OIP5: variants seen among roughly 807,000 people sequenced by gnomAD.
OIP5 encodes the protein Opa interacting protein 5, also known as protein Mis18-beta.
A neutral mutation model predicts 20.3 loss-of-function variants in OIP5; 24 were observed. That is an observed-to-expected ratio of 1.18 (90% CI 0.86 to 1.66). The LOEUF is 1.66. Ranked by LOEUF, OIP5 falls within the 40% of genes most tolerant of loss-of-function variation. The pLI, the probability that OIP5 is intolerant of heterozygous loss-of-function variation, is 0.00. For synonymous variants in OIP5, 143 were observed against 121.3 expected, an observed-to-expected ratio of 1.18 and a Z score of -1.17; for missense variants, 339 against 289.5, an observed-to-expected ratio of 1.17 and a Z score of -1.24.
At position 41,309,546 on chromosome 15, in the gene OIP5, G is replaced by A. The variant is rs2047740946; in HGVS notation, c.*208C>T. 1 of 417,494 alleles carries A rather than the reference G, an allele frequency of 2.4e-6. No homozygotes were observed. The highest frequency in any genetic ancestry group is 2.1e-5 in the African/African-American group (1 of 48,226). 25.9% of individuals were successfully genotyped at this position (417,494 alleles called of 1,614,324 possible). ...TAAGAATCTAAAGTAAGTTCTTAAG[G>A]CAAATAGCTATAAAAGAGAAGAATC... On this transcript the variant is annotated 3_prime_UTR_variant, in exon 5 of 5. Coordinates refer to ENST00000220514, the MANE Select transcript of OIP5 (RefSeq NM_007280.2).
chr15:41,311,138 C>A (rs1019179290), intron 4 of OIP5, among the ~76,000 whole-genome samples: 1 of 152,156 alleles, frequency 6.6e-6, no homozygotes, highest in African/African-American at 2.4e-5. Context: ...TAGGCCGAGG[C>A]GGGTGGGTCA....
At chr15:41,319,566 C>T in intron 3 of OIP5, 92 bp downstream of exon 3, 2 of 1,356,030 alleles carry the variant, frequency 1.5e-6, no homozygotes, top group Non-Finnish European at 2.0e-6. Context: ...CTTTGTCTTT[C>T]CTGAAAAACC....
chr15:41,325,034 G>A (rs8038185), intron 2 of OIP5, among the ~76,000 whole-genome samples: 2,283 of 152,238 alleles, frequency 0.015, 66 homozygotes, highest in African/African-American at 0.053. Context: ...GCGGTTTGTG[G>A]CATCCCACAA....
chr15:41,319,221 C>A (rs1327474076), intron 3 of OIP5, among the ~76,000 whole-genome samples: 1 of 151,494 alleles, frequency 6.6e-6, no homozygotes, highest in Non-Finnish European at 1.5e-5. Flanking sequence ...TACAGGTGTG[C>A]ACTAGCATGC....
At chr15:41,322,461 C>T (rs1033710353) in intron 2 of OIP5, among the ~76,000 whole-genome samples, 1 of 151,982 alleles carries the variant, frequency 6.6e-6, no homozygotes, top group Admixed American at 6.6e-5. Flanking sequence ...CGTAGTGATA[C>T]AATCATAGCT....
In OIP5 at chr15:41,309,347, G is replaced by A. The variant is rs1395173786; in HGVS notation, c.*407C>T. On this transcript the variant is annotated 3_prime_UTR_variant, in exon 5 of 5. Transcript: ENST00000220514. ...TATTTTACAGAAGTTAAAAAGTGAT[G>A]TATTAGTATTCATAACAACTGCTCC... 1 of 154,556 alleles carries A rather than the reference G, an allele frequency of 6.5e-6. No homozygotes were observed. The highest frequency in any genetic ancestry group is 1.9e-4 in the East Asian group (1 of 5,274). 9.6% of individuals were successfully genotyped at this position (154,556 alleles called of 1,614,324 possible).
At chr15:41,319,374 G>A (rs768330381) in intron 3 of OIP5, among the ~76,000 whole-genome samples, 1 of 151,956 alleles carries the variant, frequency 6.6e-6, no homozygotes, top group Admixed American at 6.6e-5. Flanking sequence ...TCGTGCCTCA[G>A]CCTCCTGAGT....
intron 4 of OIP5, among the ~76,000 whole-genome samples, chr15:41,312,347 G>C (rs551866293): frequency 8.6e-5 from 13 of 151,110 alleles, no homozygotes; most frequent in African/African-American, 3.2e-4. Flanking sequence ...TTTTAGTAGA[G>C]ACAGGGTTTC....
chr15:41,321,271 C>G (rs1364326504), intron 2 of OIP5, among the ~76,000 whole-genome samples: 1 of 149,986 alleles, frequency 6.7e-6, no homozygotes, highest in Non-Finnish European at 1.5e-5. Flanking sequence ...GCCCCCCGCC[C>G]GGCCAGCCGT....
intron 4 of OIP5, among the ~76,000 whole-genome samples, chr15:41,312,541 C>T (rs985735953): frequency 1.3e-5 from 2 of 152,030 alleles, no homozygotes; most frequent in Non-Finnish European, 2.9e-5. Flanking sequence ...CTCACTGCAA[C>T]CTCCACCACC....
At chr15:41,324,388 T>C (rs2047848856) in intron 2 of OIP5, among the ~76,000 whole-genome samples, 1 of 152,212 alleles carries the variant, frequency 6.6e-6, no homozygotes, top group African/African-American at 2.4e-5. Context: ...GATTAGGCTT[T>C]AGTTTAAAGG....
chr15:41,317,415 C>G (rs1229034376), intron 3 of OIP5, among the ~76,000 whole-genome samples: 6 of 148,628 alleles, frequency 4.0e-5, no homozygotes, highest in Non-Finnish European at 7.4e-5. Context: ...GAGTCTCGCT[C>G]TGTTGCCAGG....
intron 1 of OIP5, 68 bp downstream of exon 1, chr15:41,332,172 C>T (rs1337811918): frequency 7.5e-6 from 11 of 1,471,026 alleles, no homozygotes; most frequent in African/African-American, 1.4e-5. Context: ...CTCCGCCACC[C>T]GGTGGAGAAA....
chr15:41,326,397 T>C (rs1157188565), intron 2 of OIP5, among the ~76,000 whole-genome samples: 1 of 152,146 alleles, frequency 6.6e-6, no homozygotes, highest in East Asian at 1.9e-4. Flanking sequence ...CCTCTGATCA[T>C]GTGTATAGTC....
At chr15:41,312,882 C>A (rs1487732886) in intron 4 of OIP5, among the ~76,000 whole-genome samples, 4 of 151,932 alleles carry the variant, frequency 2.6e-5, no homozygotes, top group Non-Finnish European at 5.9e-5. Flanking sequence ...CTCGCCTTGG[C>A]CTACCAAAGT....
chr15:41,329,005 G>A (rs1425430603), intron 2 of OIP5, among the ~76,000 whole-genome samples: 1 of 141,570 alleles, frequency 7.1e-6, no homozygotes, highest in Admixed American at 7.5e-5. Context: ...GGCGGAGGTT[G>A]CAGCGAGCCA....
chr15:41,331,339 G>A (rs566565826), intron 2 of OIP5, among the ~76,000 whole-genome samples: 1 of 152,144 alleles, frequency 6.6e-6, no homozygotes, highest in Non-Finnish European at 1.5e-5. Context: ...AATTAGCCCT[G>A]GCATAGCTTA....
In OIP5 at chr15:41,331,979, C is replaced by T. The variant is rs751971290; in HGVS notation, c.325G>A (p.Val109Ile). Residue 109 changes from valine (V) to isoleucine (I), a missense_variant and splice_region_variant, in exon 2 of 5, where the codon GTT (valine) becomes ATT (isoleucine). Physicochemically the swap from Val to Ile is conservative, Grantham distance 29. Coordinates refer to ENST00000220514, the MANE Select transcript of OIP5 (RefSeq NM_007280.2). ...GCTTCCAAAACGACGTTATTTGTAACTCCTAGGAAGACAAACACGGGTCAG... is the reference window on the plus strand; with the variant it reads ...GCTTCCAAAACGACGTTATTTGTAATTCCTAGGAAGACAAACACGGGTCAG... The part of the protein sequence containing the change: ...RSLGAVVFSR[V>I]TNNVVLEAPF... The T allele has an allele frequency of 6.2e-7, 1 of 1,613,916 alleles. No individual in the cohort carries two copies. Among genetic ancestry groups the T allele is most frequent in the Non-Finnish European group, 8.5e-7 (1 of 1,179,922 alleles).
In OIP5 at chr15:41,332,575, G is replaced by C. The variant is rs774495272; in HGVS notation, c.-14C>G. ...CTGAGCCGCCATCTTCCCGCAGCCG[G>C]CGCCTTCCTTTCGAATACACGCCAG... is the stretch of plus-strand genomic sequence containing the variant. On this transcript the variant is annotated 5_prime_UTR_variant, in exon 1 of 5. Coordinates refer to ENST00000220514, the MANE Select transcript of OIP5 (RefSeq NM_007280.2). 4 of 1,588,692 alleles carry C rather than the reference G, an allele frequency of 2.5e-6. No individual in the cohort carries two copies. The highest frequency in any genetic ancestry group is 2.2e-5 in the East Asian group (1 of 44,788).
Sources: gnomAD v4.1 joint callset for allele counts (sites outside exome capture counted in the v4.1 genomes callset) on GRCh38, gnomAD v4.1.1 for gene constraint, MANE v1.5 for transcripts, NCBI Gene and HGNC (gene_info 2026-07-23, HGNC 2026-07-21) for gene names.